The following PHF8 variants were observed in gnomAD, a reference collection of about 807,000 sequenced individuals.
PHF8 encodes the protein histone lysine demethylase PHF8.
PHF8 carries 9 observed loss-of-function variants against 74.4 expected under a neutral mutation model. The ratio of observed to expected loss-of-function variants is 0.12; its 90% CI spans 0.07 to 0.21. The LOEUF (loss-of-function observed/expected upper bound fraction) is 0.21. Ranked by LOEUF, PHF8 falls within the 10% of genes least tolerant of loss-of-function variation. PHF8 has a pLI of 1.00. For missense variants in PHF8, 478 were observed against 816.6 expected, an observed-to-expected ratio of 0.59 and a Z score of 5.05; for synonymous variants, 311 against 316.6, an observed-to-expected ratio of 0.98 and a Z score of 0.19.
chrX:54,036,571 CAAAAAAA>C (rs1160936317), intron 2 of PHF8, among the ~76,000 whole-genome samples: 3 of 6,191 alleles, frequency 4.8e-4, no homozygotes, highest in Non-Finnish European at 7.1e-4. Context: ...GACACTGTCT[CAAAAAAA>C]AAAAAAAAAA....
At chrX:54,005,877 T>C (rs1197733995) in intron 8 of PHF8, among the ~76,000 whole-genome samples, 1 of 111,144 alleles carries the variant, frequency 9.0e-6, no homozygotes, top group Non-Finnish European at 1.9e-5. Flanking sequence ...TTGTCGACAG[T>C]AGACCTACCC....
intron 19 of PHF8, among the ~76,000 whole-genome samples, chrX:53,944,978 C>T (rs2064809734): frequency 9.1e-6 from 1 of 109,975 alleles, no homozygotes; most frequent in Admixed American, 9.7e-5. Flanking sequence ...GCAGAGATTG[C>T]ATCACTGCAC....
At chrX:53,970,128 A>G (rs1224590119) in intron 18 of PHF8, among the ~76,000 whole-genome samples, 2 of 111,933 alleles carry the variant, frequency 1.8e-5, no homozygotes, top group African/African-American at 6.5e-5. Flanking sequence ...ATACACAAAT[A>G]TAATTACATT....
intron 18 of PHF8, among the ~76,000 whole-genome samples, chrX:53,980,764 A>T (rs1206918013): frequency 8.9e-6 from 1 of 112,796 alleles, no homozygotes; most frequent in Admixed American, 9.4e-5. Flanking sequence ...AAAGATGCCA[A>T]TTTTACGAAC....
chrX:54,001,795 A>G (rs1287645731), intron 10 of PHF8, among the ~76,000 whole-genome samples: 2 of 109,989 alleles, frequency 1.8e-5, no homozygotes, highest in East Asian at 5.9e-4. Context: ...CCATGCCTGT[A>G]GTCTTAGCTA....
At position 54,034,199 on chromosome X, in the gene PHF8, TACA is replaced by T. The variant is rs1485022523; in HGVS notation, c.98+8429_98+8431del. 4.5e-5 allele frequency among the ~76,000 whole-genome samples: 5 copies of T among 111,603 alleles called. No individual in the cohort carries two copies. The East Asian group carries it at 1.4e-3, about 31-fold the overall frequency. On this transcript the variant is annotated intron_variant, in intron 2 of 21. Coordinates refer to ENST00000338154, the MANE Select transcript of PHF8 (RefSeq NM_015107.3). ...ACAGAGCCTCAGCAACCTACAGGAC[TACA>T]ACAAAAGACAAACCGGAACAAATCC...
intron 3 of PHF8, 26 bp from the exon 4 acceptor site, chrX:54,022,393 G>T: frequency 1.0e-6 from 1 of 988,845 alleles, no homozygotes; most frequent in Non-Finnish European, 1.4e-6. Flanking sequence ...ATGAGAGATT[G>T]TGAGTCAGAA....
intron 17 of PHF8, 122 bp from the exon 18 acceptor site, chrX:53,985,349 G>A (rs1340415635): frequency 3.4e-6 from 2 of 591,496 alleles, no homozygotes; most frequent in Admixed American, 5.7e-5. Flanking sequence ...GGAAAAAGGG[G>A]AGAATCATCC....
chrX:54,044,706 C>G (rs1261894968), upstream of PHF8, among the ~76,000 whole-genome samples: 1 of 112,683 alleles, frequency 8.9e-6, no homozygotes, highest in Non-Finnish European at 1.9e-5. Flanking sequence ...AACTTCCTAG[C>G]CTTCCCCCTC....
At chrX:53,946,724 G>A in intron 19 of PHF8, among the ~76,000 whole-genome samples, 1 of 112,035 alleles carries the variant, frequency 8.9e-6, no homozygotes, top group African/African-American at 3.2e-5. Flanking sequence ...TTCATGGTTT[G>A]ACAATTTAGG....
upstream of PHF8, chrX:54,044,852 C>T: frequency 8.7e-7 from 1 of 1,143,901 alleles, no homozygotes; most frequent in Non-Finnish European, 1.2e-6. Flanking sequence ...GGGCTTCAGC[C>T]GGGGTAGAGG....
At chrX:54,007,434 CCTT>C (rs2065913372) in intron 8 of PHF8, among the ~76,000 whole-genome samples, 1 of 111,556 alleles carries the variant, frequency 9.0e-6, no homozygotes, top group African/African-American at 3.3e-5. Context: ...TAACTTTTGT[CCTT>C]CATAGGACAC....
chrX:53,996,805 C>T (rs2149843906), intron 11 of PHF8, among the ~76,000 whole-genome samples: 1 of 112,164 alleles, frequency 8.9e-6, no homozygotes, highest in East Asian at 2.8e-4. Context: ...CCTCGGCCTT[C>T]CAAAGTGCTG....
intron 11 of PHF8, 79 bp downstream of exon 11, chrX:53,999,791 T>C (rs2065801844): frequency 1.7e-6 from 1 of 598,452 alleles, no homozygotes; most frequent in Non-Finnish European, 2.8e-6. Context: ...GTCTCTTCTG[T>C]CTCTCCAAAA....
intron 19 of PHF8, among the ~76,000 whole-genome samples, chrX:53,956,872 TAAATC>T (rs2065021431): frequency 1.8e-5 from 2 of 111,258 alleles, no homozygotes; most frequent in South Asian, 7.5e-4. Context: ...AAATGTAAAT[TAAATC>T]AATGAGATAC....
At chrX:54,005,584 A>G (rs947637443) in intron 8 of PHF8, among the ~76,000 whole-genome samples, 1 of 107,399 alleles carries the variant, frequency 9.3e-6, no homozygotes, top group Non-Finnish European at 1.9e-5. Flanking sequence ...AGAAATCCAC[A>G]CCAAAAAAAA....
chrX:53,990,855 T>C (rs1211453619), intron 14 of PHF8, among the ~76,000 whole-genome samples: 3 of 111,731 alleles, frequency 2.7e-5, no homozygotes, highest in Non-Finnish European at 5.6e-5. Flanking sequence ...TATTTCAGGG[T>C]TTCTGACAAT....
intron 18 of PHF8, among the ~76,000 whole-genome samples, chrX:53,981,131 T>C (rs908591795): frequency 7.1e-5 from 8 of 112,474 alleles, no homozygotes; most frequent in African/African-American, 2.6e-4. Context: ...GGAGAACTGT[T>C]TGAACCAGGA....
In PHF8 at chrX:53,954,555, T is replaced by TGTCGTAAC. The variant is rs1390318182; in HGVS notation, c.2539+8281_2539+8288dup. On this transcript the variant is annotated intron_variant, in intron 19 of 21. Coordinates refer to ENST00000338154, the MANE Select transcript of PHF8 (RefSeq NM_015107.3). ...GAAAAAATCAGCAAAAAACTAGAGA[T>TGTCGTAAC]GTCGTAACACGTAAGATTTTGCTTA... 1.5e-4 allele frequency among the ~76,000 whole-genome samples: 14 copies of TGTCGTAAC among 96,332 alleles called. No individual in the cohort carries two copies. In the East Asian group the frequency reaches 2.6e-3, roughly 18 times the overall value. 83.7% of individuals were successfully genotyped at this position (96,332 alleles called of 115,157 possible). A position where few individuals can be genotyped will look rare whatever the true frequency, so the allele number is the denominator to read the frequency against.
Sources: gnomAD v4.1 joint callset for allele counts (sites outside exome capture counted in the v4.1 genomes callset) on GRCh38, gnomAD v4.1.1 for gene constraint, MANE v1.5 for transcripts, NCBI Gene and HGNC (gene_info 2026-07-23, HGNC 2026-07-21) for gene names.